The following SPG21 variants were observed in gnomAD, a reference collection of about 807,000 sequenced individuals.
SPG21 encodes the protein SPG21 abhydrolase domain containing, maspardin, also known as maspardin.
SPG21 carries 26 observed loss-of-function variants against 38.9 expected under a neutral mutation model. The observed-to-expected ratio is 0.67, with a 90% CI of 0.49 to 0.93. The LOEUF is 0.93. Ranked by LOEUF, SPG21 falls within the 40% of genes least tolerant of loss-of-function variation. SPG21 has a pLI of 0.00. For missense variants in SPG21, 333 were observed against 376.5 expected (o/e 0.88, Z 0.96); for synonymous variants, 136 against 128.9 (o/e 1.05, Z -0.37).
chr15:64,963,798 C>T (rs1386017298), intron 8 of SPG21, 62 bp from the exon 9 acceptor site: 15 of 1,505,574 alleles, frequency 1.0e-5, no homozygotes, highest in Non-Finnish European at 1.4e-5. Context: ...CTCTTGTTGC[C>T]CAGGCTGGAG....
chr15:64,983,138 A>G, intron 2 of SPG21: 1 of 285,286 alleles, frequency 3.5e-6, no homozygotes, highest in Non-Finnish European at 7.3e-6. Flanking sequence ...CATGCCTGTA[A>G]TCCTAGCTAC....
chr15:64,969,484 A>G, intron 6 of SPG21, 122 bp from the exon 7 acceptor site: 2 of 736,824 alleles, frequency 2.7e-6, no homozygotes, highest in Non-Finnish European at 4.9e-6. Flanking sequence ...CAGAAAAGTC[A>G]TCAGTGAGGA....
chr15:64,977,158 G>A (rs1480889064), intron 3 of SPG21, among the ~76,000 whole-genome samples: 5 of 150,868 alleles, frequency 3.3e-5, no homozygotes, highest in Non-Finnish European at 7.4e-5. Flanking sequence ...TCCGCCTCCC[G>A]GGTTTGAACG....
chr15:64,974,219 A>C lies in SPG21; in HGVS notation c.452+383T>G, dbSNP rs112477011. 2.1e-4 allele frequency among the ~76,000 whole-genome samples: 32 copies of C among 152,300 alleles called. 1 individual carries two copies. Among genetic ancestry groups the C allele is most frequent in the African/African-American group, 7.7e-4 (32 of 41,576 alleles). ...CAGTGGCTCATGCCTGTAATCCCAG[A>C]ACTTTGGGAGGCCAAGGTGGGCAGA... On this transcript the variant is annotated intron_variant, in intron 5 of 8. Transcript: ENST00000204566.
rs1428882231 is a variant in SPG21, at chr15:64,963,882, G to A, written c.811-146C>T. The A allele has an allele frequency of 6.4e-5, 42 of 660,340 alleles. No individual in the cohort carries two copies. The East Asian group carries it at 6.4e-4, about 10-fold the overall frequency. 40.9% of individuals were successfully genotyped at this position (660,340 alleles called of 1,614,324 possible). On this transcript the variant is annotated intron_variant, in intron 8 of 8. Coordinates refer to ENST00000204566, the MANE Select transcript of SPG21 (RefSeq NM_016630.7). ...CCCAATTCTCCTGCCTCAGCCTCCCGAGTAGCTGGGATTACAGGTGCCCGC... is the reference window on the plus strand; with the variant it reads ...CCCAATTCTCCTGCCTCAGCCTCCCAAGTAGCTGGGATTACAGGTGCCCGC...
chr15:64,983,933 G>A (rs1442913451), intron 1 of SPG21, among the ~76,000 whole-genome samples: 4 of 151,900 alleles, frequency 2.6e-5, no homozygotes, highest in Non-Finnish European at 4.4e-5. Flanking sequence ...ACAGGTGCCC[G>A]CCACCACGCC....
chr15:64,964,822 C>T (rs1015848651), intron 8 of SPG21, among the ~76,000 whole-genome samples: 2 of 151,898 alleles, frequency 1.3e-5, no homozygotes, highest in Non-Finnish European at 2.9e-5. Flanking sequence ...TTAGTAGAGA[C>T]GGTTTCACCA....
At chr15:64,976,619 T>C (rs944629070) in intron 3 of SPG21, 64 bp from the exon 4 acceptor site, 208 of 1,312,464 alleles carry the variant, frequency 1.6e-4, no homozygotes, top group Admixed American at 9.2e-5. Flanking sequence ...CTCACGTATT[T>C]GAAAAACTTA....
chr15:64,971,258 GGCCAGGCA>G (rs1265415046), intron 5 of SPG21, among the ~76,000 whole-genome samples: 1 of 152,060 alleles, frequency 6.6e-6, no homozygotes, highest in East Asian at 1.9e-4. Context: ...GGGGAGCCGG[GGCCAGGCA>G]CGGTGGCTCA....
chr15:64,987,477 A>T (rs774868276), intron 1 of SPG21: 5 of 152,234 alleles, frequency 3.3e-5, no homozygotes, highest in Non-Finnish European at 7.3e-5. Flanking sequence ...TTTCCAAATC[A>T]TAAGAGGAAT....
At chr15:64,983,393 A>G in intron 2 of SPG21, 114 bp downstream of exon 2, 1 of 758,596 alleles carries the variant, frequency 1.3e-6, no homozygotes, top group East Asian at 2.7e-5. Context: ...ACCCACAGTC[A>G]TGATACTCGG....
Position 64,983,271 on chromosome 15 carries a change from T to TATAA in SPG21, c.63+232_63+235dup, listed in dbSNP as rs111408068. Reference sequence around the variant, plus strand: ...AGCGAGACTCCATCTCAAAAATAAATATAAATAAATAAATAAATAAAAATG... The same window carrying TATAA: ...AGCGAGACTCCATCTCAAAAATAAATATAAATAAATAAATAAATAAATAAAAATG... On this transcript the variant is annotated intron_variant, in intron 2 of 8. Transcript: ENST00000204566. 62,696 of 209,074 alleles carry TATAA rather than the reference T, an allele frequency of 0.3. 11,869 individuals are homozygous for TATAA. The highest frequency in any genetic ancestry group is 0.38 in the Non-Finnish European group (39,058 of 101,842). The allele number at this position is 209,074 out of a possible 1,614,324, so 13.0% of individuals were successfully genotyped here.
intron 3 of SPG21, 49 bp from the exon 4 acceptor site, chr15:64,976,604 T>G (rs1014870400): frequency 7.0e-7 from 1 of 1,436,348 alleles, no homozygotes; most frequent in East Asian, 2.4e-5. Flanking sequence ...AAAGTAAAAA[T>G]GCAACTCACG....
intron 4 of SPG21, among the ~76,000 whole-genome samples, chr15:64,976,195 C>T (rs1220964157): frequency 1.3e-5 from 2 of 152,110 alleles, no homozygotes; most frequent in African/African-American, 4.8e-5. Context: ...GAGGCTGAGG[C>T]GGGCGGATCA....
chr15:64,983,149 T>C (rs750481654), intron 2 of SPG21: 9 of 278,404 alleles, frequency 3.2e-5, no homozygotes, highest in African/African-American at 1.8e-4. Context: ...TCCTAGCTAC[T>C]TGGCAGGTTG....
At position 64,972,800 on chromosome 15, in the gene SPG21, C is replaced by G. The variant is rs188994223; in HGVS notation, c.452+1802G>C. Reference sequence around the variant, plus strand: ...TGAGCTGAGATCGTGCCACTGCACTCCAGCCTGGGCGACAGAGCGAGACTC... The same window carrying G: ...TGAGCTGAGATCGTGCCACTGCACTGCAGCCTGGGCGACAGAGCGAGACTC... On this transcript the variant is annotated intron_variant, in intron 5 of 8. Transcript: ENST00000204566. Among the ~76,000 whole-genome samples the G allele has an allele frequency of 7.2e-5, 11 of 152,310 alleles. No homozygotes were observed. In the East Asian group the frequency reaches 2.1e-3, roughly 29 times the overall value.
At chr15:64,967,100 G>A (rs956907539) in intron 7 of SPG21, among the ~76,000 whole-genome samples, 1 of 151,962 alleles carries the variant, frequency 6.6e-6, no homozygotes, top group Admixed American at 6.6e-5. Context: ...TGGAATCTTT[G>A]TGCATTGTTG....
At chr15:64,976,431 TAA>T (rs574425926) in intron 4 of SPG21, 42 bp downstream of exon 4, 1 of 1,348,992 alleles carries the variant, frequency 7.4e-7, no homozygotes, top group Non-Finnish European at 1.0e-6. Context: ...TCTCAAAAAA[TAA>T]AAAAAAAATT....
Position 64,974,725 on chromosome 15 carries a change from A to G in SPG21, c.329T>C (p.Leu110Ser). 1 of 1,614,168 alleles carries G rather than the reference A, an allele frequency of 6.2e-7. No homozygotes were observed. Among genetic ancestry groups the G allele is most frequent in the Non-Finnish European group, 8.5e-7 (1 of 1,180,016 alleles). ...LDKVHLFGASLGGFLAQKFAE... is the reference protein window; with the variant it reads ...LDKVHLFGASSGGFLAQKFAE... ...AAATTTCTGGGCCAAAAAGCCTCCC[A>G]AAGAAGCGCCAAAAAGATGAACCTA... Residue 110 changes from leucine to serine, a missense_variant, in exon 5 of 9, where the codon TTG becomes TCG. Transcript: ENST00000204566.
Sources: gnomAD v4.1 joint callset for allele counts (sites outside exome capture counted in the v4.1 genomes callset) on GRCh38, gnomAD v4.1.1 for gene constraint, MANE v1.5 for transcripts, NCBI Gene and HGNC (gene_info 2026-07-23, HGNC 2026-07-21) for gene names.